Variants in SGCD observed in about 807,000 individuals in gnomAD.
SGCD encodes the protein delta-sarcoglycan.
A neutral mutation model predicts 36.6 loss-of-function variants in SGCD; 18 were observed. The ratio of observed to expected loss-of-function variants is 0.49; its 90% CI spans 0.34 to 0.73. SGCD has a LOEUF of 0.73. SGCD is among the 30% of genes least tolerant of loss of function. The pLI is 0.01. For synonymous variants in SGCD, 133 were observed against 130.6 expected, an observed-to-expected ratio of 1.02 and a Z score of -0.12; for missense variants, 387 against 346.7, an observed-to-expected ratio of 1.12 and a Z score of -0.92.
chr5:156,249,865 C>G (rs1376242732), intron 3 of SGCD, among the ~76,000 whole-genome samples: 1 of 152,006 alleles, frequency 6.6e-6, no homozygotes, highest in African/African-American at 2.4e-5. Flanking sequence ...AAAGAAAAAC[C>G]AAAATCATAA....
chr5:156,731,391 A>G (rs1756054354), intron 7 of SGCD, among the ~76,000 whole-genome samples: 2 of 152,156 alleles, frequency 1.3e-5, no homozygotes, highest in African/African-American at 4.8e-5. Flanking sequence ...TAAGTCTTTA[A>G]TCCATCTTGA....
At chr5:156,423,338 T>A (rs1429804716) in intron 3 of SGCD, among the ~76,000 whole-genome samples, 1 of 47,494 alleles carries the variant, frequency 2.1e-5, no homozygotes, top group African/African-American at 1.7e-4. Flanking sequence ...TATTATAATA[T>A]AATATATTAT....
intron 1 of SGCD, among the ~76,000 whole-genome samples, chr5:156,096,552 C>A: frequency 6.6e-6 from 1 of 152,120 alleles, no homozygotes; most frequent in Non-Finnish European, 1.5e-5. Flanking sequence ...TGGGCTGACA[C>A]AATCCTTGGC....
chr5:155,986,293 C>T (rs1758328679), intron 1 of SGCD, among the ~76,000 whole-genome samples: 1 of 152,176 alleles, frequency 6.6e-6, no homozygotes, highest in Admixed American at 6.5e-5. Flanking sequence ...TGCTCCTGAA[C>T]ATTTTCAGTG....
intron 1 of SGCD, among the ~76,000 whole-genome samples, chr5:155,995,937 A>G (rs923139629): frequency 4.0e-5 from 6 of 148,610 alleles, no homozygotes; most frequent in African/African-American, 7.5e-5. Flanking sequence ...ATCTGTCAAA[A>G]CTGTACAGCT....
At chr5:156,625,885 G>A (rs879414705) in intron 6 of SGCD, among the ~76,000 whole-genome samples, 1 of 152,180 alleles carries the variant, frequency 6.6e-6, no homozygotes, top group Admixed American at 6.5e-5. Context: ...TGAGGATGGG[G>A]TTAGTCTGGA....
At position 156,069,282 on chromosome 5, in the gene SGCD, T is replaced by A. The variant is rs546066973; in HGVS notation, c.-281-48596T>A. On this transcript the variant is annotated intron_variant, in intron 1 of 9. Coordinates refer to the SGCD transcript ENST00000517913. ...GTCTAAAGTTTAAGTCTTTAATCCA[T>A]CTTGAATTAATTTTTGTATAAGGTG... Among the ~76,000 whole-genome samples, 13 of 152,258 alleles carry A rather than the reference T, an allele frequency of 8.5e-5. No individual in the cohort carries two copies. In the East Asian group the frequency reaches 2.3e-3, roughly 27 times the overall value.
the SGCD span, among the ~76,000 whole-genome samples, chr5:155,784,028 A>G: frequency 6.6e-6 from 1 of 152,180 alleles, no homozygotes; most frequent in East Asian, 1.9e-4. Context: ...AATATGAGCC[A>G]CTGTAGTCAG....
the SGCD span, among the ~76,000 whole-genome samples, chr5:155,855,216 C>G: frequency 6.6e-6 from 1 of 152,152 alleles, no homozygotes; most frequent in Non-Finnish European, 1.5e-5. Flanking sequence ...CAGCACCCCC[C>G]TCGGCAACTC....
rs78257706 is a variant in SGCD, at chr5:156,640,343, A to G, written c.503-7121A>G. 7.0e-3 allele frequency among the ~76,000 whole-genome samples: 1,022 copies of G among 145,908 alleles called. 12 individuals are homozygous for G. Among genetic ancestry groups the G allele is most frequent in the East Asian group, 0.048 (250 of 5,160 alleles). On this transcript the variant is annotated intron_variant, in intron 6 of 8. Coordinates refer to ENST00000337851, the MANE Select transcript of SGCD (RefSeq NM_000337.6). ...ACATTTGTGCTTTATACATAAATAC[A>G]GTAAGATTTCTTTTGCTTCCCAAGA... is the stretch of plus-strand genomic sequence containing the variant.
rs1372197903 is a variant in SGCD, at chr5:156,556,104, T to A, written c.295-33127T>A. ...GAACACCTAATATCTAAGAAAATAC[T>A]TTCTGATACAGATAAGAAAAAAAAA... On this transcript the variant is annotated intron_variant, in intron 4 of 8. Coordinates refer to ENST00000337851, the MANE Select transcript of SGCD (RefSeq NM_000337.6). Among the ~76,000 whole-genome samples, 3 of 145,624 alleles carry A rather than the reference T, an allele frequency of 2.1e-5. No homozygotes were observed. The Admixed American group carries it at 2.1e-4, about 10-fold the overall frequency.
chr5:156,070,296 A>G (rs1312156795), intron 1 of SGCD, among the ~76,000 whole-genome samples: 6 of 152,034 alleles, frequency 3.9e-5, no homozygotes, highest in African/African-American at 1.2e-4. Context: ...TTATTTTGAG[A>G]TACGTCCCAT....
chr5:156,094,287 A>C (rs1761324587), intron 1 of SGCD, among the ~76,000 whole-genome samples: 1 of 152,180 alleles, frequency 6.6e-6, no homozygotes, highest in Non-Finnish European at 1.5e-5. Flanking sequence ...AGGAACAGTC[A>C]CTTCCAGAAC....
chr5:155,926,122 G>A (rs1405567307), intron 1 of SGCD, among the ~76,000 whole-genome samples: 1 of 152,062 alleles, frequency 6.6e-6, no homozygotes. Flanking sequence ...CACTAATTCA[G>A]TCTGACCTCA....
intron 3 of SGCD, among the ~76,000 whole-genome samples, chr5:156,294,694 G>T (rs1427848223): frequency 1.3e-5 from 2 of 152,068 alleles, no homozygotes; most frequent in African/African-American, 4.8e-5. Flanking sequence ...TCATGAAAAG[G>T]TGTTGAATTT....
chr5:156,570,508 C>G (rs17559950), intron 4 of SGCD, among the ~76,000 whole-genome samples: 2 of 151,996 alleles, frequency 1.3e-5, no homozygotes, highest in Non-Finnish European at 2.9e-5. Flanking sequence ...TTGATAGATA[C>G]ATACCTAGTC....
intron 1 of SGCD, among the ~76,000 whole-genome samples, chr5:155,913,056 T>C (rs1382110473): frequency 6.6e-6 from 1 of 152,190 alleles, no homozygotes; most frequent in African/African-American, 2.4e-5. Flanking sequence ...ATATTGTCAA[T>C]GTCTTTTCAA....
At chr5:155,966,354 C>A (rs1296558827) in intron 1 of SGCD, among the ~76,000 whole-genome samples, 1 of 152,088 alleles carries the variant, frequency 6.6e-6, no homozygotes, top group East Asian at 1.9e-4. Context: ...TTGGGCATGT[C>A]TCTTGGCTTA....
chr5:155,947,740 T>C lies in SGCD; in HGVS notation c.-282+77316T>C, dbSNP rs115893509. Among the ~76,000 whole-genome samples, 664 of 152,238 alleles carry C rather than the reference T, an allele frequency of 4.4e-3. 2 individuals are homozygous for C. The highest frequency in any genetic ancestry group is 0.015 in the African/African-American group (618 of 41,544). On this transcript the variant is annotated intron_variant, in intron 1 of 9. Transcript: ENST00000517913. ...GGTGGGACCCATATTCAACTCTCTG[T>C]CTTCTAACTGCAGCAGGTACATGTT...
Sources: gnomAD v4.1 joint callset for allele counts (sites outside exome capture counted in the v4.1 genomes callset) on GRCh38, gnomAD v4.1.1 for gene constraint, MANE v1.5 for transcripts, NCBI Gene and HGNC (gene_info 2026-07-23, HGNC 2026-07-21) for gene names.